Variants in PTPRD observed in about 807,000 individuals in gnomAD.
The protein encoded by PTPRD is receptor-type tyrosine-protein phosphatase delta.
Under a neutral mutation model 214.5 loss-of-function variants are expected in PTPRD, and 34 were observed. The ratio of observed to expected loss-of-function variants is 0.16; its 90% CI spans 0.12 to 0.21. PTPRD has a LOEUF of 0.21. Ranked by LOEUF, PTPRD falls within the 10% of genes least tolerant of loss-of-function variation. The pLI, the probability that PTPRD is intolerant of heterozygous loss-of-function variation, is 1.00. For synonymous variants in PTPRD, 1,128 were observed against 845.7 expected (o/e 1.33, Z -5.79); for missense variants, 2,545 against 2,398.7 (o/e 1.06, Z -1.27).
chr9:9,562,018 T>C (rs930069434), intron 8 of PTPRD, among the ~76,000 whole-genome samples: 1 of 152,232 alleles, frequency 6.6e-6, no homozygotes, highest in Non-Finnish European at 1.5e-5. Flanking sequence ...AAGCCTCATA[T>C]ATCCATATGA....
At chr9:9,484,567 A>G (rs2095549408) in intron 8 of PTPRD, among the ~76,000 whole-genome samples, 1 of 152,162 alleles carries the variant, frequency 6.6e-6, no homozygotes, top group African/African-American at 2.4e-5. Context: ...AAAGCAGAAC[A>G]AACAACATTT....
At chr9:9,200,197 AGAG>A (rs769912365) in intron 9 of PTPRD, among the ~76,000 whole-genome samples, 19 of 152,328 alleles carry the variant, frequency 1.2e-4, no homozygotes, top group Non-Finnish European at 2.5e-4. Context: ...AAAACCATGA[AGAG>A]GAGTTTAGAA....
chr9:10,148,666 T>C (rs927489437), intron 3 of PTPRD, among the ~76,000 whole-genome samples: 2 of 152,324 alleles, frequency 1.3e-5, no homozygotes, highest in Middle Eastern at 3.4e-3. Context: ...AAAACATACA[T>C]TGGACAAGTC....
rs34288443 is a variant in PTPRD at position 8,940,446 on chromosome 9, C to CTTTTTTTTTTTTTTTTTTTTTTTTT, written c.-104+78250_-104+78251insAAAAAAAAAAAAAAAAAAAAAAAAA. Among the ~76,000 whole-genome samples the CTTTTTTTTTTTTTTTTTTTTTTTTT allele has an allele frequency of 3.2e-5, 3 of 95,032 alleles. 1 individual carries two copies. Among genetic ancestry groups the CTTTTTTTTTTTTTTTTTTTTTTTTT allele is most frequent in the Admixed American group, 2.7e-4 (2 of 7,484 alleles). 62.3% of individuals were successfully genotyped at this position (95,032 alleles called of 152,430 possible). ...TACAGGCTCCTATCACCACTCCCAG[C>CTTTTTTTTTTTTTTTTTTTTTTTTT]TTTTTTTTTTTTTTTTTGGTATTTT... On this transcript the variant is annotated intron_variant, in intron 11 of 45. Coordinates refer to ENST00000381196, the MANE Select transcript of PTPRD (RefSeq NM_002839.4).
intron 5 of PTPRD, among the ~76,000 whole-genome samples, chr9:9,886,191 C>T (rs930121723): frequency 3.3e-5 from 5 of 151,916 alleles, no homozygotes; most frequent in African/African-American, 9.7e-5. Flanking sequence ...AAGATTAGGC[C>T]CTAACCAAAG....
At chr9:9,859,377 T>C (rs562288618) in intron 5 of PTPRD, among the ~76,000 whole-genome samples, 123 of 152,328 alleles carry the variant, frequency 8.1e-4, no homozygotes, top group African/African-American at 2.9e-3. Flanking sequence ...GATTCTAAAG[T>C]TGAGTCTGAG....
intron 3 of PTPRD, among the ~76,000 whole-genome samples, chr9:10,047,260 T>C (rs1001202540): frequency 6.6e-6 from 1 of 150,636 alleles, no homozygotes; most frequent in Non-Finnish European, 1.5e-5. Context: ...TGTATCCTAA[T>C]CTATCTATAT....
rs139163498 is a variant in PTPRD at position 8,789,289 on chromosome 9, T to C, written c.-103-55343A>G. ...TTGCAGCAGAAGCCACCATAGCTGA[T>C]TGGCACAGAGGTGGTTGTCTGACCC... On this transcript the variant is annotated intron_variant, in intron 11 of 45. Coordinates refer to ENST00000381196, the MANE Select transcript of PTPRD (RefSeq NM_002839.4). Among the ~76,000 whole-genome samples, 204 of 152,302 alleles carry C rather than the reference T, an allele frequency of 1.3e-3. 3 individuals are homozygous for C. The highest frequency in any genetic ancestry group is 4.4e-3 in the African/African-American group (182 of 41,574).
intron 35 of PTPRD, among the ~76,000 whole-genome samples, chr9:8,407,627 CT>C (rs1284970907): frequency 6.6e-6 from 1 of 152,186 alleles, no homozygotes; most frequent in Non-Finnish European, 1.5e-5. Context: ...AATGATATTT[CT>C]TCCCAACTTA....
At chr9:9,156,789 A>C (rs1176746608) in intron 10 of PTPRD, among the ~76,000 whole-genome samples, 1 of 152,204 alleles carries the variant, frequency 6.6e-6, no homozygotes, top group Admixed American at 6.5e-5. Context: ...CAGGGAAGAA[A>C]CCACAGGAAA....
intron 10 of PTPRD, among the ~76,000 whole-genome samples, chr9:9,160,386 T>A (rs555568027): frequency 3.0e-4 from 45 of 152,210 alleles, no homozygotes; most frequent in Non-Finnish European, 6.3e-4. Context: ...TGAAAACACA[T>A]TTTTCAGAAG....
At chr9:8,523,666 C>G (rs2097938028) in intron 18 of PTPRD, 142 bp from the exon 19 acceptor site, 1 of 838,354 alleles carries the variant, frequency 1.2e-6, no homozygotes, top group East Asian at 2.7e-5. Flanking sequence ...GTTCATCCTT[C>G]CTATCTCAGC....
chr9:9,065,074 A>G (rs2099724060), intron 10 of PTPRD, among the ~76,000 whole-genome samples: 1 of 152,200 alleles, frequency 6.6e-6, no homozygotes, highest in South Asian at 2.1e-4. Context: ...GCATTCCCAT[A>G]GGAGCTGGGG....
At chr9:8,350,155 T>C (rs2075047945) in intron 39 of PTPRD, among the ~76,000 whole-genome samples, 1 of 152,106 alleles carries the variant, frequency 6.6e-6, no homozygotes, top group Non-Finnish European at 1.5e-5. Flanking sequence ...GATACAGTAG[T>C]AATGTGCAAA....
chr9:9,585,498 C>A (rs1358084672), intron 7 of PTPRD, among the ~76,000 whole-genome samples: 1 of 152,078 alleles, frequency 6.6e-6, no homozygotes, highest in African/African-American at 2.4e-5. Flanking sequence ...ATATATTGCA[C>A]AATTACTTTG....
At chr9:8,785,150 T>C (rs2095886216) in intron 11 of PTPRD, among the ~76,000 whole-genome samples, 1 of 152,044 alleles carries the variant, frequency 6.6e-6, no homozygotes, top group South Asian at 2.1e-4. Context: ...ACTTGGTGTA[T>C]AGACACAAAT....
intron 9 of PTPRD, among the ~76,000 whole-genome samples, chr9:9,353,891 C>T (rs1220817911): frequency 6.6e-6 from 1 of 151,788 alleles, no homozygotes; most frequent in Non-Finnish European, 1.5e-5. Flanking sequence ...GTTGGCTGGG[C>T]TGTGAGTCAT....
chr9:10,126,206 C>G (rs1313192144), intron 3 of PTPRD, among the ~76,000 whole-genome samples: 1 of 152,034 alleles, frequency 6.6e-6, no homozygotes, highest in Non-Finnish European at 1.5e-5. Flanking sequence ...AAATAGTGAG[C>G]TCGATTTTCC....
chr9:9,322,397 A>T (rs1407378192), intron 9 of PTPRD, among the ~76,000 whole-genome samples: 1 of 152,196 alleles, frequency 6.6e-6, no homozygotes, highest in African/African-American at 2.4e-5. Context: ...TACAAAAAAG[A>T]ACGCTAAAGT....
Sources: allele counts gnomAD v4.1 joint callset (sites outside exome capture counted in the v4.1 genomes callset), GRCh38; gene constraint gnomAD v4.1.1; transcripts MANE v1.5; gene names NCBI Gene and HGNC (gene_info 2026-07-23, HGNC 2026-07-21).